The following SOX6 variants were observed in gnomAD, a reference collection of about 807,000 sequenced individuals.
SOX6 encodes transcription factor SOX-6.
Under a neutral mutation model 97.8 loss-of-function variants are expected in SOX6, and 11 were observed. That is an observed-to-expected ratio of 0.11 (90% confidence interval 0.07 to 0.19). The LOEUF is 0.19. Among genes scored for constraint, SOX6 ranks in the 10% least tolerant of loss-of-function variants. The probability of loss-of-function intolerance (pLI) is 1.00; values close to 1 mark genes in which losing one functional copy is unlikely to be tolerated. For synonymous variants in SOX6, 360 were observed against 371.4 expected (o/e 0.97, Z 0.35); for missense variants, 810 against 1,039.5 (o/e 0.78, Z 3.04).
intron 1 of SOX6, among the ~76,000 whole-genome samples, chr11:16,372,962 C>T (rs1024183706): frequency 2.6e-5 from 4 of 152,096 alleles, no homozygotes; most frequent in Non-Finnish European, 4.4e-5. Context: ...GAACTATGTT[C>T]AGAACTTGCC....
At chr11:16,318,275 T>C (rs1240816836) in intron 3 of SOX6, 171 bp downstream of exon 3, 1 of 684,234 alleles carries the variant, frequency 1.5e-6, no homozygotes, top group Non-Finnish European at 2.6e-6. Flanking sequence ...TGTTTAACAC[T>C]CCTAATGGAT....
intron 1 of SOX6, among the ~76,000 whole-genome samples, chr11:16,421,240 C>G (rs1286673184): frequency 6.6e-6 from 1 of 152,050 alleles, no homozygotes; most frequent in Non-Finnish European, 1.5e-5. Context: ...AGCAAGATAA[C>G]ATATCTGAAC....
At chr11:16,585,102 G>A (rs1254613573) in intron 4 of SOX6, among the ~76,000 whole-genome samples, 1 of 152,192 alleles carries the variant, frequency 6.6e-6, no homozygotes, top group Non-Finnish European at 1.5e-5. Context: ...AGTTGAAGTG[G>A]TTCTCAAAGT....
intron 2 of SOX6, among the ~76,000 whole-genome samples, chr11:16,333,152 G>T (rs920999672): frequency 1.3e-5 from 2 of 152,100 alleles, no homozygotes; most frequent in Admixed American, 1.3e-4. Context: ...ATTAAAGAAG[G>T]TAGGTCTCAA....
rs1380742786 is a variant in SOX6 at position 16,402,748 on chromosome 11, C to T, written c.-4-61496G>A. 14 of 1,609,104 alleles carry T rather than the reference C, an allele frequency of 8.7e-6. No homozygotes were observed. In the East Asian group the frequency reaches 2.5e-4, roughly 28 times the overall value. On this transcript the variant is annotated intron_variant, in intron 1 of 15. Transcript: ENST00000396356. ...TTCCATCACCTGACTTAGGGGCTGG[C>T]TAGAAATATTAGGAAAAAAAACAAT...
At chr11:16,720,391 T>C (rs1564876958) in intron 2 of SOX6, among the ~76,000 whole-genome samples, 1 of 135,488 alleles carries the variant, frequency 7.4e-6, no homozygotes, top group Non-Finnish European at 1.6e-5. Context: ...ATGTCCTTTG[T>C]AGGGACATGG....
chr11:16,107,154 G>A (rs1344120678), intron 7 of SOX6, among the ~76,000 whole-genome samples: 1 of 151,822 alleles, frequency 6.6e-6, no homozygotes, highest in African/African-American at 2.4e-5. Flanking sequence ...ATATAAAATG[G>A]CACGGCTACT....
intron 9 of SOX6, among the ~76,000 whole-genome samples, chr11:16,071,466 C>T (rs1255512230): frequency 6.6e-6 from 1 of 152,132 alleles, no homozygotes; most frequent in East Asian, 1.9e-4. Flanking sequence ...AGGTGAGCAA[C>T]ACATGTTATA....
intron 1 of SOX6, among the ~76,000 whole-genome samples, chr11:16,441,850 T>C (rs181150242): frequency 4.2e-4 from 64 of 152,304 alleles, no homozygotes; most frequent in African/African-American, 1.3e-3. Flanking sequence ...GCCGGTATTT[T>C]ATCATCCTTA....
chr11:16,512,845 A>G (rs1860901473), intron 4 of SOX6, among the ~76,000 whole-genome samples: 1 of 152,222 alleles, frequency 6.6e-6, no homozygotes. Context: ...GAAAATAACA[A>G]AACTATCTGA....
chr11:16,145,790 A>C (rs1326684601), intron 6 of SOX6, among the ~76,000 whole-genome samples: 1 of 152,228 alleles, frequency 6.6e-6, no homozygotes, highest in Non-Finnish European at 1.5e-5. Flanking sequence ...AATCCAACTT[A>C]CAAGGGATGT....
intron 3 of SOX6, among the ~76,000 whole-genome samples, chr11:16,258,992 TAA>T (rs34840691): frequency 0.78 from 118,165 of 151,142 alleles, 46,318 homozygotes; most frequent in Non-Finnish European, 0.8. Flanking sequence ...TATTAAAAAT[TAA>T]GTTTATTAAT....
At chr11:16,218,417 GAACTT>G (rs1205758797) in intron 4 of SOX6, among the ~76,000 whole-genome samples, 3 of 152,074 alleles carry the variant, frequency 2.0e-5, no homozygotes, top group Non-Finnish European at 4.4e-5. Flanking sequence ...TAAGAGATTA[GAACTT>G]AACATTTTAA....
intron 4 of SOX6, among the ~76,000 whole-genome samples, chr11:16,569,671 A>G (rs1183823304): frequency 6.6e-6 from 1 of 152,030 alleles, no homozygotes; most frequent in Non-Finnish European, 1.5e-5. Context: ...GTTCGAGACC[A>G]TCCTGGCTAA....
intron 4 of SOX6, among the ~76,000 whole-genome samples, chr11:16,594,321 CAAACCTATACAA>C (rs1848185768): frequency 6.6e-6 from 1 of 152,144 alleles, no homozygotes; most frequent in Admixed American, 6.5e-5. Flanking sequence ...TAAAATTACA[CAAACCTATACAA>C]AAACTACAAA....
chr11:16,499,448 T>C (rs1860664204), intron 4 of SOX6, among the ~76,000 whole-genome samples: 1 of 151,860 alleles, frequency 6.6e-6, no homozygotes, highest in African/African-American at 2.4e-5. Context: ...AGGCAAGAAA[T>C]AACTAAGATC....
At chr11:16,654,722 T>C (rs913404132) in intron 3 of SOX6, among the ~76,000 whole-genome samples, 1 of 152,276 alleles carries the variant, frequency 6.6e-6, no homozygotes, top group Non-Finnish European at 1.5e-5. Flanking sequence ...AAAGTTACTG[T>C]TTCATTGTCT....
At chr11:16,055,717 T>C in intron 10 of SOX6, 35 bp downstream of exon 10, 4 of 1,613,168 alleles carry the variant, frequency 2.5e-6, no homozygotes, top group Non-Finnish European at 3.4e-6. Flanking sequence ...AACTTTTTTC[T>C]AAACTGTTTC....
intron 4 of SOX6, chr11:16,484,244 G>A: frequency 1.0e-6 from 1 of 988,796 alleles, no homozygotes; most frequent in Non-Finnish European, 1.6e-6. Context: ...CTCCATGGCT[G>A]CCCATGTGTC....
Sources: gnomAD v4.1 joint callset for allele counts (sites outside exome capture counted in the v4.1 genomes callset) on GRCh38, gnomAD v4.1.1 for gene constraint, MANE v1.5 for transcripts, NCBI Gene and HGNC (gene_info 2026-07-23, HGNC 2026-07-21) for gene names.